Variants in MYRF observed in about 807,000 individuals in gnomAD.
The protein encoded by MYRF is myelin gene regulatory factor.
A neutral mutation model predicts 126.3 loss-of-function variants in MYRF; 16 were observed. The observed-to-expected ratio is 0.13, with a 90% CI of 0.09 to 0.19. The LOEUF (loss-of-function observed/expected upper bound fraction) is 0.19, where lower values mean the gene tolerates loss of function less well. Among genes scored for constraint, MYRF ranks in the 10% least tolerant of loss-of-function variants. MYRF has a pLI of 1.00. For missense variants in MYRF, 1,104 were observed against 1,547.0 expected, an observed-to-expected ratio of 0.71 and a Z score of 4.80; for synonymous variants, 608 against 635.3, an observed-to-expected ratio of 0.96 and a Z score of 0.65.
At chr11:61,766,940 T>C (rs892530080) in intron 3 of MYRF, 2 of 449,962 alleles carry the variant, frequency 4.4e-6, no homozygotes, top group Non-Finnish European at 9.0e-6. Flanking sequence ...GAACTCTGTG[T>C]TCAGACAGCC....
rs1335628787 is a variant in MYRF at position 61,755,732 on chromosome 11, G to A, written c.46+2942G>A. ...GAGACATGTTAGAGTATGAATGGCC[G>A]AGCCTGGAAGGGGTGCCTGCTGGCC... On this transcript the variant is annotated intron_variant, in intron 1 of 26. Transcript: ENST00000278836. 1.7e-5 allele frequency: 11 copies of A among 643,498 alleles called. No homozygotes were observed. In the East Asian group the frequency reaches 1.9e-4, roughly 11 times the overall value. 39.9% of individuals were successfully genotyped at this position (643,498 alleles called of 1,614,324 possible). A position where few individuals can be genotyped will look rare whatever the true frequency, so the allele number is the denominator to read the frequency against.
In MYRF at chr11:61,788,200, C is replaced by T. The variant is rs1002676923; in HGVS notation, c.*2057C>T. On this transcript the variant is annotated 3_prime_UTR_variant, in exon 27 of 27. Transcript: ENST00000278836. ...AGGTCATCCCTCCCTTCTTCTCTCT[C>T]CTTTGGCGTTTGTTCCTGTAGTCAC... 1.3e-5 allele frequency: 2 copies of T among 152,794 alleles called. No individual in the cohort carries two copies. The highest frequency in any genetic ancestry group is 2.4e-5 in the African/African-American group (1 of 41,426). The allele number at this position is 152,794 out of a possible 1,614,324, so 9.5% of individuals were successfully genotyped here. A position where few individuals can be genotyped will look rare whatever the true frequency, so the allele number is the denominator to read the frequency against.
rs1187377571 is a variant in MYRF, at chr11:61,757,794, C to T, written c.46+5004C>T. 11 of 333,636 alleles carry T rather than the reference C, an allele frequency of 3.3e-5. No homozygotes were observed. Among genetic ancestry groups the T allele is most frequent in the South Asian group, 2.3e-4 (10 of 42,948 alleles). The allele number at this position is 333,636 out of a possible 1,614,324, so 20.7% of individuals were successfully genotyped here. On this transcript the variant is annotated intron_variant, in intron 1 of 26. Transcript: ENST00000278836. This position sits in a 1 kb window ranked among gnomAD's most constrained non-coding sequence, Gnocchi z 4.7. ...GCAGTGGAAGCGTGGGTGACGGCCT[C>T]CCATTTCTGAGGGGGACTGTGAGGC... is the stretch of plus-strand genomic sequence containing the variant.
intron 14 of MYRF, 82 bp from the exon 15 acceptor site, chr11:61,779,179 CCT>C: frequency 7.0e-7 from 1 of 1,427,114 alleles, no homozygotes; most frequent in Non-Finnish European, 9.3e-7. Flanking sequence ...CCTCCTGCCC[CCT>C]GATGTCTGGC....
intron 21 of MYRF, 70 bp downstream of exon 21, chr11:61,781,399 T>C (rs1232626647): frequency 1.3e-6 from 2 of 1,578,180 alleles, no homozygotes; most frequent in African/African-American, 1.4e-5. Flanking sequence ...CAAATACTCA[T>C]TGGTGGGAGG....
chr11:61,766,663 A>G, intron 3 of MYRF: 1 of 239,630 alleles, frequency 4.2e-6, no homozygotes. Flanking sequence ...GTTCCCCCCT[A>G]CCCAAGCAAG....
At chr11:61,766,372 T>G in intron 3 of MYRF, 151 bp downstream of exon 3, 1 of 812,730 alleles carries the variant, frequency 1.2e-6, no homozygotes, top group Non-Finnish European at 1.8e-6. Flanking sequence ...GAAGGGAGGA[T>G]GAGTCCAGGT....
In MYRF at chr11:61,752,860, T is replaced by G. The variant is rs2065643509; in HGVS notation, c.46+70T>G. The G allele has an allele frequency of 6.6e-6, 9 of 1,366,242 alleles. No individual in the cohort carries two copies. The South Asian group carries it at 1.2e-4, about 19-fold the overall frequency. 84.6% of individuals were successfully genotyped at this position (1,366,242 alleles called of 1,614,324 possible). On this transcript the variant is annotated intron_variant, in intron 1 of 26. Coordinates refer to ENST00000278836, the MANE Select transcript of MYRF (RefSeq NM_001127392.3). ...ACCCCCGGCTGATCTCCCCGGGAACTGGGGCTCCTCGCTGTGTTTCCGCCT... is the reference window on the plus strand; with the variant it reads ...ACCCCCGGCTGATCTCCCCGGGAACGGGGGCTCCTCGCTGTGTTTCCGCCT...
In MYRF at chr11:61,779,858, C is replaced by T. The variant is rs745462025; in HGVS notation, c.2264C>T (p.Pro755Leu). The change falls in exon 17 of 27, where the codon CCG becomes CTG. Residue 755 changes from proline to leucine, a missense_variant. Physicochemically the swap from Pro to Leu is moderately conservative, Grantham distance 98. Coordinates refer to ENST00000278836, the MANE Select transcript of MYRF (RefSeq NM_001127392.3). ...KVASKSSSVV[P>L]DQACISQRFL... ...GGTCCTCAGTCATCGTCCGTGGTTCCGGACCAGGCCTGCATCAGCCAGCGC... is the reference window on the plus strand; with the variant it reads ...GGTCCTCAGTCATCGTCCGTGGTTCTGGACCAGGCCTGCATCAGCCAGCGC... The T allele has an allele frequency of 1.2e-5, 19 of 1,613,914 alleles. No homozygotes were observed. Among genetic ancestry groups the T allele is most frequent in the East Asian group, 2.2e-5 (1 of 44,896 alleles).
rs1415945405 is a variant in MYRF at position 61,770,229 on chromosome 11, C to T, written c.461-17C>T. On this transcript the variant is annotated splice_polypyrimidine_tract_variant and intron_variant, in intron 4 of 26. Transcript: ENST00000278836. ...TGAGGTTGGTCTCAGATGCCCGCTC[C>T]CCCATCTCTCCTGCAGAGCCCCACC... 1.3e-6 allele frequency: 2 copies of T among 1,579,948 alleles called. No homozygotes were observed. The highest frequency in any genetic ancestry group is 2.3e-5 in the East Asian group (1 of 43,946).
Position 61,784,344 on chromosome 11 carries a change from G to T in MYRF, c.3259G>T (p.Gly1087Trp). Residue 1087 changes from glycine (G) to tryptophan (W), a missense_variant, in exon 25 of 27, where the codon GGG becomes TGG. Coordinates refer to ENST00000278836, the MANE Select transcript of MYRF (RefSeq NM_001127392.3). The stretch of plus-strand genomic sequence containing the variant: ...GTCAAAGGAGGAACCATGTGAGGAG[G>T]GGAGCCTTCCACAGAGTCTCCACAC... ...LRSKEEPCEE[G>W]SLPQSLHTHQ... 1 of 1,614,036 alleles carries T rather than the reference G, an allele frequency of 6.2e-7. No individual in the cohort carries two copies. Among genetic ancestry groups the T allele is most frequent in the Non-Finnish European group, 8.5e-7 (1 of 1,180,024 alleles).
At chr11:61,769,406 AG>A in intron 4 of MYRF, 85 bp downstream of exon 4, 1 of 1,027,332 alleles carries the variant, frequency 9.7e-7, no homozygotes, top group Non-Finnish European at 1.5e-6. Context: ...GGGAGGAGGG[AG>A]GGGGCCAGCG....
Position 61,779,574 on chromosome 11 carries a change from G to C in MYRF, c.2247+4G>C. 4.0e-6 allele frequency: 6 copies of C among 1,492,290 alleles called. No individual in the cohort carries two copies. The highest frequency in any genetic ancestry group is 5.4e-6 in the Non-Finnish European group (6 of 1,121,282). 92.4% of individuals were successfully genotyped at this position (1,492,290 alleles called of 1,614,324 possible). A position where few individuals can be genotyped will look rare whatever the true frequency, so the allele number is the denominator to read the frequency against. ...GCCCCCCAAGGTGGCCAGCAAGGTAGGGGTGAGCAGGGATGGCAGGCGGGT... is the reference window on the plus strand; with the variant it reads ...GCCCCCCAAGGTGGCCAGCAAGGTACGGGTGAGCAGGGATGGCAGGCGGGT... On this transcript the variant is annotated splice_donor_region_variant and intron_variant, in intron 16 of 26. Transcript: ENST00000278836.
rs2066228014 is a variant in MYRF at position 61,771,746 on chromosome 11, C to A, written c.987C>A (p.Ser329=). 3 of 1,611,952 alleles carry A rather than the reference C, an allele frequency of 1.9e-6. No individual in the cohort carries two copies. Among genetic ancestry groups the A allele is most frequent in the African/African-American group, 1.3e-5 (1 of 74,892 alleles). ...TPPWHPPGAP[S]PGLLQDSDSL... is the part of the protein sequence containing the mutation. ...CTTGGCACCCGCCAGGTGCCCCCTC[C>A]CCAGGTACATGGCTGGCCAACTCTT... The change falls in exon 6 of 27, where the codon TCC becomes TCA. Residue 329 remains serine (S), a synonymous_variant. Coordinates refer to ENST00000278836, the MANE Select transcript of MYRF (RefSeq NM_001127392.3).
intron 1 of MYRF, among the ~76,000 whole-genome samples, chr11:61,759,388 C>T (rs772503230): frequency 4.6e-5 from 7 of 152,130 alleles, no homozygotes; most frequent in East Asian, 1.9e-4. Flanking sequence ...GAGGGTTCTC[C>T]GGCTGGGCCA....
At chr11:61,773,146 C>G (rs1249461416) in intron 7 of MYRF, among the ~76,000 whole-genome samples, 1 of 152,108 alleles carries the variant, frequency 6.6e-6, no homozygotes, top group South Asian at 2.1e-4. Context: ...GCTGGGACTA[C>G]AGGCGGCTGA....
chr11:61,753,117 C>A (rs1263204162), intron 1 of MYRF, among the ~76,000 whole-genome samples: 1 of 151,984 alleles, frequency 6.6e-6, no homozygotes, highest in East Asian at 1.9e-4. Context: ...CAGCAAACTT[C>A]CCGAGTCTGG....
intron 8 of MYRF, among the ~76,000 whole-genome samples, chr11:61,775,424 G>A (rs1486317798): frequency 2.0e-5 from 3 of 152,168 alleles, no homozygotes; most frequent in African/African-American, 7.2e-5. Flanking sequence ...CCCTCCCCAG[G>A]GGCCCCTCCC....
In MYRF at chr11:61,771,910, A is replaced by C. The variant is rs954916351; in HGVS notation, c.1073A>C (p.Gln358Pro). 4 of 1,614,030 alleles carry C rather than the reference A, an allele frequency of 2.5e-6. No homozygotes were observed. The highest frequency in any genetic ancestry group is 1.3e-5 in the African/African-American group (1 of 74,936). The change falls in exon 7 of 27, where the codon CAG (glutamine) becomes CCG (proline). Residue 358 changes from glutamine to proline, a missense_variant. This residue lies in a region of MYRF where 87 missense variants were observed against 129.2 expected (regional missense o/e 0.67). Transcript: ENST00000278836. ...YQSIKWQPHQ[Q>P]NKWATLYDAN... ...TCCATCAAGTGGCAGCCTCATCAGC[A>C]GAACAAGTGGGCGACCCTGTACGAT...
Sources: allele counts gnomAD v4.1 joint callset (sites outside exome capture counted in the v4.1 genomes callset), GRCh38; gene constraint gnomAD v4.1.1; regional missense constraint gnomAD v4.1.1; non-coding constraint Gnocchi (gnomAD v3.1); transcripts MANE v1.5; gene names NCBI Gene and HGNC (gene_info 2026-07-23, HGNC 2026-07-21).